ADAMTS9: variants seen among roughly 807,000 people sequenced by gnomAD.
The protein encoded by ADAMTS9 is ADAM metallopeptidase with thrombospondin type 1 motif 9.
A neutral mutation model predicts 257.1 loss-of-function variants in ADAMTS9; 107 were observed. That is an observed-to-expected ratio of 0.42 (90% confidence interval 0.36 to 0.49). The LOEUF (loss-of-function observed/expected upper bound fraction) is 0.49. Ranked by LOEUF, ADAMTS9 falls within the 20% of genes least tolerant of loss-of-function variation. The pLI is 0.03. For synonymous variants in ADAMTS9, 982 were observed against 880.9 expected (o/e 1.11, Z -2.03); for missense variants, 2,353 against 2,469.1 (o/e 0.95, Z 1.00).
intron 12 of ADAMTS9, among the ~76,000 whole-genome samples, 184 bp from the exon 13 acceptor site, chr3:64,634,063 A>T (rs1261318788): frequency 3.3e-5 from 5 of 151,996 alleles, no homozygotes; most frequent in Admixed American, 6.6e-5. Context: ...TGATGTGTAT[A>T]ACCTTGGGTA....
rs9653999 is a variant in ADAMTS9 at position 64,644,529 on chromosome 3, A to T, written c.1711-2536T>A. ...CCCCTTTATCTTGGCAATAGAACCT[A>T]TATTTTCCAAAGTTTCCCTACGGAT... On this transcript the variant is annotated intron_variant, in intron 11 of 39. Transcript: ENST00000498707. Among the ~76,000 whole-genome samples, 6 of 152,298 alleles carry T rather than the reference A, an allele frequency of 3.9e-5. No individual in the cohort carries two copies. In the East Asian group the frequency reaches 1.2e-3, roughly 29 times the overall value.
intron 16 of ADAMTS9, among the ~76,000 whole-genome samples, chr3:64,624,203 G>C (rs753104860): frequency 1.3e-5 from 2 of 151,320 alleles, no homozygotes; most frequent in Non-Finnish European, 2.9e-5. Flanking sequence ...TTTGCTTAAA[G>C]GGTAGATGAT....
intron 38 of ADAMTS9, among the ~76,000 whole-genome samples, chr3:64,531,451 A>G (rs1033168771): frequency 3.3e-5 from 5 of 151,708 alleles, no homozygotes; most frequent in Non-Finnish European, 7.4e-5. Flanking sequence ...CTTATTGTAA[A>G]CAGTGTTCAT....
At chr3:64,560,127 C>A (rs185893183) in intron 30 of ADAMTS9, among the ~76,000 whole-genome samples, 1 of 152,194 alleles carries the variant, frequency 6.6e-6, no homozygotes, top group Non-Finnish European at 1.5e-5. Flanking sequence ...AATGGATAAT[C>A]CAAGGCTCAG....
At chr3:64,559,277 A>C (rs2083382893) in intron 30 of ADAMTS9, among the ~76,000 whole-genome samples, 1 of 152,054 alleles carries the variant, frequency 6.6e-6, no homozygotes, top group Admixed American at 6.6e-5. Context: ...CATGTATGGG[A>C]AACATGAAGA....
rs148220228 is a variant in ADAMTS9 at position 64,543,906 on chromosome 3, C to G, written c.5065-1936G>C. ...CCCAAAATCTCCTTAAGCTGATAAG[C>G]AACTTCAGCAAAGTCTCCGGATACA... On this transcript the variant is annotated intron_variant, in intron 32 of 39. Transcript: ENST00000498707. 1.2e-3 allele frequency among the ~76,000 whole-genome samples: 186 copies of G among 152,308 alleles called. 5 individuals carry two copies. In the East Asian group the frequency reaches 0.026, roughly 22 times the overall value.
chr3:64,668,667 C>T (rs1490351303), intron 3 of ADAMTS9, among the ~76,000 whole-genome samples: 3 of 152,128 alleles, frequency 2.0e-5, no homozygotes, highest in East Asian at 1.9e-4. Context: ...TCTGGAGGCA[C>T]GGGCTGTGCT....
In ADAMTS9 at chr3:64,633,227, T is replaced by G. The variant is rs571894003; in HGVS notation, c.2175+245A>C. On this transcript the variant is annotated intron_variant, in intron 14 of 39. Coordinates refer to ENST00000498707, the MANE Select transcript of ADAMTS9 (RefSeq NM_182920.2). ...AATAAATTTTTAAGGAGAGGTTTTG[T>G]GCAAGACCCCCACAGAGACTGAAAA... 4.6e-5 allele frequency among the ~76,000 whole-genome samples: 7 copies of G among 152,260 alleles called. 1 individual carries two copies. The South Asian group carries it at 1.5e-3, about 32-fold the overall frequency.
intron 39 of ADAMTS9, among the ~76,000 whole-genome samples, chr3:64,517,416 G>GTTTTTTTTGTTTT (rs1553698668): frequency 3.8e-5 from 2 of 52,638 alleles, no homozygotes; most frequent in East Asian, 6.9e-4. Context: ...ATTAAAAATG[G>GTTTTTTTTGTTTT]TTTTTTTTTT....
chr3:64,577,687 T>C (rs1370506995), intron 28 of ADAMTS9, among the ~76,000 whole-genome samples: 3 of 151,632 alleles, frequency 2.0e-5, no homozygotes, highest in Non-Finnish European at 2.9e-5. Flanking sequence ...ATGACAGTGC[T>C]GGGGCAGACC....
intron 19 of ADAMTS9, 112 bp downstream of exon 19, chr3:64,621,002 A>G: frequency 6.7e-6 from 9 of 1,338,878 alleles, no homozygotes; most frequent in Non-Finnish European, 9.2e-6. Flanking sequence ...TCACTGAAAC[A>G]CAAGAAAGGG....
chr3:64,635,827 C>T (rs1249416415), intron 12 of ADAMTS9, among the ~76,000 whole-genome samples: 2 of 151,996 alleles, frequency 1.3e-5, no homozygotes, highest in African/African-American at 2.4e-5. Flanking sequence ...GCCCTTTTCT[C>T]AGTACCAAGG....
Position 64,561,571 on chromosome 3 carries a change from T to C in ADAMTS9, c.4698+7A>G. On this transcript the variant is annotated splice_region_variant and intron_variant, in intron 30 of 39. Coordinates refer to ENST00000498707, the MANE Select transcript of ADAMTS9 (RefSeq NM_182920.2). ...CCTGGCAGGTACCCCTTTGTGGCTCTACTTACTTCTTGCCATTCCTCTGCC... is the reference window on the plus strand; with the variant it reads ...CCTGGCAGGTACCCCTTTGTGGCTCCACTTACTTCTTGCCATTCCTCTGCC... 6.2e-7 allele frequency: 1 copy of C among 1,611,092 alleles called. No individual in the cohort carries two copies. Among genetic ancestry groups the C allele is most frequent in the Non-Finnish European group, 8.5e-7 (1 of 1,178,486 alleles).
At position 64,543,351 on chromosome 3, in the gene ADAMTS9, C is replaced by T. The variant is rs562004615; in HGVS notation, c.5065-1381G>A. 7.0e-3 allele frequency among the ~76,000 whole-genome samples: 1,059 copies of T among 152,234 alleles called. 8 individuals are homozygous for T. Among genetic ancestry groups the T allele is most frequent in the African/African-American group, 0.025 (1,031 of 41,532 alleles). On this transcript the variant is annotated intron_variant, in intron 32 of 39. Coordinates refer to ENST00000498707, the MANE Select transcript of ADAMTS9 (RefSeq NM_182920.2). ...TTAGACCAATATCCCTGATGAACAT[C>T]GATGCAAAAATCCTTCATAAAATAC...
At chr3:64,522,474 G>A (rs775190881) in intron 38 of ADAMTS9, 53 of 403,700 alleles carry the variant, frequency 1.3e-4, no homozygotes, top group Non-Finnish European at 1.1e-4. Flanking sequence ...TGGCTTGCAA[G>A]CTAAGGATGA....
chr3:64,616,264 TTTTC>T, intron 19 of ADAMTS9, 94 bp from the exon 20 acceptor site: 1 of 1,357,404 alleles, frequency 7.4e-7, no homozygotes, highest in Non-Finnish European at 1.0e-6. Context: ...TTGAGTTCTT[TTTTC>T]TTTCTTAACT....
intron 28 of ADAMTS9, among the ~76,000 whole-genome samples, chr3:64,578,525 G>C (rs2083914924): frequency 6.6e-6 from 1 of 152,174 alleles, no homozygotes; most frequent in African/African-American, 2.4e-5. Flanking sequence ...TGTTAGGACA[G>C]TCAGACCTGG....
At chr3:64,566,847 G>A (rs1301919967) in intron 29 of ADAMTS9, among the ~76,000 whole-genome samples, 1 of 149,834 alleles carries the variant, frequency 6.7e-6, no homozygotes, top group African/African-American at 2.4e-5. Flanking sequence ...GCTTTTACAT[G>A]AATCGAATAG....
intron 3 of ADAMTS9, among the ~76,000 whole-genome samples, chr3:64,675,348 A>C (rs1357336918): frequency 2.0e-5 from 3 of 152,204 alleles, no homozygotes; most frequent in Admixed American, 6.5e-5. Flanking sequence ...GGGAATGGAA[A>C]TTAGATGGTA....
Sources: gnomAD v4.1 joint callset for allele counts (sites outside exome capture counted in the v4.1 genomes callset) on GRCh38, gnomAD v4.1.1 for gene constraint, MANE v1.5 for transcripts, NCBI Gene and HGNC (gene_info 2026-07-23, HGNC 2026-07-21) for gene names.